The following DNAH3 variants were observed in gnomAD, a reference collection of about 807,000 sequenced individuals.
DNAH3 encodes the protein axonemal beta dynein heavy chain 3.
In DNAH3, 332 loss-of-function variants were observed where a neutral mutation model predicts 432.5. The observed-to-expected ratio is 0.77, with a 90% CI of 0.70 to 0.84. The LOEUF (loss-of-function observed/expected upper bound fraction) is 0.84. Among genes scored for constraint, DNAH3 ranks in the 40% least tolerant of loss-of-function variants. DNAH3 has a pLI of 0.00. For synonymous variants in DNAH3, 1,956 were observed against 1,900.2 expected (o/e 1.03, Z -0.76); for missense variants, 4,861 against 5,114.0 (o/e 0.95, Z 1.51).
At chr16:20,987,518 G>C (rs2086257057) in intron 46 of DNAH3, 70 bp from the exon 47 acceptor site, 5 of 1,590,142 alleles carry the variant, frequency 3.1e-6, no homozygotes, top group Non-Finnish European at 4.3e-6. Flanking sequence ...TCAGTAGTAG[G>C]TAAGTCCTGG....
chr16:21,018,853 C>CCACTATACTCCTG (rs1468531266), intron 41 of DNAH3, among the ~76,000 whole-genome samples: 1 of 151,826 alleles, frequency 6.6e-6, no homozygotes, highest in Non-Finnish European at 1.5e-5. Context: ...CAAGATCATA[C>CCACTATACTCCTG]CACTATACTC....
chr16:21,144,606 A>G (rs2152831502), intron 3 of DNAH3, among the ~76,000 whole-genome samples: 1 of 152,344 alleles, frequency 6.6e-6, no homozygotes, highest in East Asian at 1.9e-4. Flanking sequence ...TTGTAAGATA[A>G]CAAATACTGG....
intron 1 of DNAH3, among the ~76,000 whole-genome samples, chr16:21,152,791 G>A (rs1007810575): frequency 3.0e-4 from 46 of 152,236 alleles, no homozygotes; most frequent in African/African-American, 7.0e-4. Context: ...CTAGCCCACC[G>A]GCGCTGCGCT....
At position 21,037,951 on chromosome 16, in the gene DNAH3, C is replaced by A. The variant is rs765153588; in HGVS notation, c.4760G>T (p.Arg1587Leu). The change falls in exon 34 of 62, where the codon CGC becomes CTC. Residue 1587 changes from arginine to leucine, a missense_variant. Coordinates refer to ENST00000261383, the Ensembl canonical transcript of DNAH3. Reference sequence around the variant, plus strand: ...AGAGGACAGTTGTTCCGAGCACAGGCGGTAGGTCGCAACGATCTTCTGGGC... The same window carrying A: ...AGAGGACAGTTGTTCCGAGCACAGGAGGTAGGTCGCAACGATCTTCTGGGC... The A allele has an allele frequency of 2.5e-6, 4 of 1,613,970 alleles. No homozygotes were observed. In the South Asian group the frequency reaches 3.3e-5, roughly 13 times the overall value.
chr16:21,085,864 C>G (rs1597346980), intron 19 of DNAH3, among the ~76,000 whole-genome samples: 1 of 152,116 alleles, frequency 6.6e-6, no homozygotes, highest in East Asian at 1.9e-4. Context: ...ACATCCTTGG[C>G]CCAAGCAATC....
intron 41 of DNAH3, among the ~76,000 whole-genome samples, chr16:21,013,924 G>T (rs921589717): frequency 3.3e-5 from 5 of 152,062 alleles, no homozygotes; most frequent in African/African-American, 9.7e-5. Flanking sequence ...ATCCATTAAA[G>T]AAATTTAATC....
At chr16:20,947,920 C>T (rs2084124107) in intron 57 of DNAH3, among the ~76,000 whole-genome samples, 1 of 152,130 alleles carries the variant, frequency 6.6e-6, no homozygotes, top group African/African-American at 2.4e-5. Flanking sequence ...GGATTACAGG[C>T]AGGCGCCACC....
chr16:20,963,196 T>C, intron 53 of DNAH3, 88 bp downstream of exon 53: 1 of 1,302,112 alleles, frequency 7.7e-7, no homozygotes, highest in Admixed American at 2.4e-5. Context: ...CATCTGAACT[T>C]GAGATCCCTG....
At chr16:21,106,752 T>A in intron 14 of DNAH3, 78 bp from the exon 15 acceptor site, 1 of 1,219,932 alleles carries the variant, frequency 8.2e-7, no homozygotes, top group East Asian at 2.5e-5. Flanking sequence ...CTTGTAAGAC[T>A]CCATGTTCAA....
chr16:20,941,441 T>G, exon 59 of DNAH3: 2 of 1,614,174 alleles, frequency 1.2e-6, no homozygotes, highest in Non-Finnish European at 1.7e-6. Flanking sequence ...ACGGTATTCA[T>G]GGATTCTTCA....
At position 20,987,822 on chromosome 16, in the gene DNAH3, AGTAGCTTGGACCAGCATCTTTCC is replaced by A; in HGVS notation, c.6730_6752del (p.Gly2244Ter). ...CCACTGCATCTCTATAAATTGTCTT[AGTAGCTTGGACCAGCATCTTTCC>A]GTACCTTGGGAGGAAAGGGATGGCA... On this transcript the variant is annotated frameshift_variant, in exon 46 of 62. Transcript: ENST00000261383. LOFTEE classifies it high-confidence loss of function. The A allele has an allele frequency of 6.2e-7, 1 of 1,614,198 alleles. No homozygotes were observed. The highest frequency in any genetic ancestry group is 8.5e-7 in the Non-Finnish European group (1 of 1,180,044).
chr16:21,035,206 A>G (rs1177110200), intron 35 of DNAH3, among the ~76,000 whole-genome samples: 1 of 152,192 alleles, frequency 6.6e-6, no homozygotes, highest in African/African-American at 2.4e-5. Context: ...ACATGCCTGT[A>G]ATCCCAGCTA....
chr16:21,098,220 T>A (rs1188502272), intron 17 of DNAH3, among the ~76,000 whole-genome samples: 1 of 151,742 alleles, frequency 6.6e-6, no homozygotes, highest in Non-Finnish European at 1.5e-5. Flanking sequence ...GGCAGGTGGA[T>A]CACTTGGGGT....
chr16:21,077,414 C>T (rs976437003), intron 20 of DNAH3, among the ~76,000 whole-genome samples: 19 of 152,142 alleles, frequency 1.2e-4, no homozygotes, highest in Non-Finnish European at 2.6e-4. Context: ...CCGCCCGCCT[C>T]GGCCTCCCAA....
At chr16:21,006,053 T>A (rs367737712) in intron 41 of DNAH3, among the ~76,000 whole-genome samples, 7 of 152,338 alleles carry the variant, frequency 4.6e-5, no homozygotes, top group African/African-American at 1.7e-4. Flanking sequence ...ATATTATTTA[T>A]ACTATTGATT....
chr16:21,028,062 C>T (rs1475169171), intron 37 of DNAH3, among the ~76,000 whole-genome samples: 1 of 152,178 alleles, frequency 6.6e-6, no homozygotes. Context: ...TTTGCAATCA[C>T]TCCATCCTCG....
At chr16:21,000,099 T>C in intron 43 of DNAH3, 125 bp downstream of exon 43, 1 of 986,988 alleles carries the variant, frequency 1.0e-6, no homozygotes. Flanking sequence ...CTATATTAAC[T>C]GGAAATATTT....
At chr16:21,089,690 A>G (rs1332647408) in intron 18 of DNAH3, among the ~76,000 whole-genome samples, 1 of 152,180 alleles carries the variant, frequency 6.6e-6, no homozygotes, top group East Asian at 1.9e-4. Context: ...ACAACTATAA[A>G]GGATAAATTT....
intron 17 of DNAH3, among the ~76,000 whole-genome samples, 178 bp downstream of exon 17, chr16:21,098,438 C>CAAAAAAAAAAAAAAAAAAAAA (rs57032212): frequency 1.6e-5 from 1 of 62,888 alleles, no homozygotes; most frequent in African/African-American, 5.0e-5. Flanking sequence ...GACCTTGTCT[C>CAAAAAAAAAAAAAAAAAAAAA]AAAAAAAAAA....
Sources: gnomAD v4.1 joint callset for allele counts (sites outside exome capture counted in the v4.1 genomes callset) on GRCh38, gnomAD v4.1.1 for gene constraint, MANE v1.5 for transcripts, NCBI Gene and HGNC (gene_info 2026-07-23, HGNC 2026-07-21) for gene names.